Variants in AAK1 observed in about 807,000 individuals in gnomAD.
AAK1 encodes AP2-associated protein kinase 1.
In AAK1, 37 loss-of-function variants were observed where a neutral mutation model predicts 116.0. The observed-to-expected ratio is 0.32, with a 90% CI of 0.25 to 0.42. AAK1 has a LOEUF of 0.42. Ranked by LOEUF, AAK1 falls within the 10% of genes least tolerant of loss-of-function variation. The probability of loss-of-function intolerance (pLI) is 1.00; values close to 1 mark genes in which losing one functional copy is unlikely to be tolerated. For synonymous variants in AAK1, 458 were observed against 439.9 expected (o/e 1.04, Z -0.51); for missense variants, 919 against 1,170.6 (o/e 0.79, Z 3.14).
intron 2 of AAK1, among the ~76,000 whole-genome samples, chr2:69,565,047 G>A (rs181222011): frequency 1.3e-5 from 2 of 152,216 alleles, no homozygotes; most frequent in Non-Finnish European, 2.9e-5. Flanking sequence ...TGCCTGAAGA[G>A]CCAGGGAGAT....
In AAK1 at chr2:69,556,851, C is replaced by A; in HGVS notation, c.282+9G>T. On this transcript the variant is annotated intron_variant, in intron 3 of 21. Coordinates refer to ENST00000409085, the MANE Select transcript of AAK1 (RefSeq NM_014911.5). The stretch of plus-strand genomic sequence containing the variant: ...TTTAAACAGTCCCAAGTCCAAGGGG[C>A]AGCCTTACCATTATCTGGATTTCTC... The A allele has an allele frequency of 6.3e-7, 1 of 1,598,646 alleles. No homozygotes were observed. The highest frequency in any genetic ancestry group is 8.6e-7 in the Non-Finnish European group (1 of 1,166,168).
chr2:69,490,970 C>G (rs1675498845), intron 17 of AAK1, among the ~76,000 whole-genome samples: 1 of 151,754 alleles, frequency 6.6e-6, no homozygotes, highest in Non-Finnish European at 1.5e-5. Flanking sequence ...GGGTCTCACT[C>G]TGTCACACCC....
At position 69,542,636 on chromosome 2, in the gene AAK1, G is replaced by C; in HGVS notation, c.421C>G (p.Arg141Gly). The change falls in exon 5 of 22, where the codon CGC becomes GGC. Residue 141 changes from arginine (R) to glycine (G), a missense_variant. This residue lies in a region of AAK1 where 317 missense variants were observed against 490.4 expected (regional missense o/e 0.65). Coordinates refer to ENST00000409085, the MANE Select transcript of AAK1 (RefSeq NM_014911.5). ...TTCTCTGTAAAGCCTGTTTGCAGGC[G>C]CTGGTTCATCAGGTTTACCACCTGG... The part of the protein sequence containing the change: ...GGQVVNLMNQ[R>G]LQTGFTENEV... The C allele has an allele frequency of 6.2e-7, 1 of 1,613,880 alleles. No homozygotes were observed. The highest frequency in any genetic ancestry group is 8.5e-7 in the Non-Finnish European group (1 of 1,179,866).
chr2:69,515,309 C>T lies in AAK1; in HGVS notation c.1498-560G>A, dbSNP rs116574378. ...TTAAACATTCAAAATAGCCAGTGTG[C>T]TCTATGACGCTTCCTTTTGTTTGTT... On this transcript the variant is annotated intron_variant, in intron 12 of 21. Coordinates refer to ENST00000409085, the MANE Select transcript of AAK1 (RefSeq NM_014911.5). Among the ~76,000 whole-genome samples the T allele has an allele frequency of 4.5e-3, 691 of 152,208 alleles. 3 individuals are homozygous for T. The highest frequency in any genetic ancestry group is 0.016 in the African/African-American group (658 of 41,532).
chr2:69,625,967 G>A (rs561924267), intron 2 of AAK1, among the ~76,000 whole-genome samples: 65 of 152,126 alleles, frequency 4.3e-4, no homozygotes, highest in African/African-American at 1.5e-3. Flanking sequence ...ACAGAAGCAA[G>A]AACTCCCTCA....
intron 14 of AAK1, 127 bp from the exon 15 acceptor site, chr2:69,507,705 G>T: frequency 1.3e-4 from 103 of 790,256 alleles, no homozygotes; most frequent in Non-Finnish European, 1.7e-4. Flanking sequence ...TTCCACCACA[G>T]TATTTTTTTT....
chr2:69,643,646 G>A lies in AAK1; in HGVS notation c.-306C>T, dbSNP rs938593791. ...TGTCACGGCCGCCGGGCCGGCCTGC[G>A]ACGCAGAGAAGAGGCGGCGCTGCAG... On this transcript the variant is annotated 5_prime_UTR_variant, in exon 1 of 22. Transcript: ENST00000409085. The A allele has an allele frequency of 3.2e-5, 39 of 1,227,344 alleles. No individual in the cohort carries two copies. Among genetic ancestry groups the A allele is most frequent in the Non-Finnish European group, 3.9e-5 (38 of 985,294 alleles). The allele number at this position is 1,227,344 out of a possible 1,614,324, so 76.0% of individuals were successfully genotyped here.
chr2:69,618,486 C>T (rs561312544), intron 2 of AAK1, among the ~76,000 whole-genome samples: 155 of 152,282 alleles, frequency 1.0e-3, no homozygotes, highest in African/African-American at 3.5e-3. Flanking sequence ...TATTTTCCTA[C>T]GCCTCAGTAG....
In AAK1 at chr2:69,532,065, T is replaced by C. The variant is rs1304487000; in HGVS notation, c.632A>G (p.Asn211Ser). ...KFQNPQTEGV[N>S]AVEDEIKKYT... ...CTTCTTAATCTCATCTTCTACTGCATTGACTCCCTCAGTTTGTGGATTCTG... is the reference window on the plus strand; with the variant it reads ...CTTCTTAATCTCATCTTCTACTGCACTGACTCCCTCAGTTTGTGGATTCTG... Residue 211 changes from asparagine to serine, a missense_variant, in exon 6 of 22, where the codon AAT becomes AGT. Physicochemically the swap from Asn to Ser is conservative, Grantham distance 46. Transcript: ENST00000409085. 4 of 1,613,446 alleles carry C rather than the reference T, an allele frequency of 2.5e-6. No individual in the cohort carries two copies. The African/African-American group carries it at 4.0e-5, about 16-fold the overall frequency.
chr2:69,643,577 G>T lies in AAK1; in HGVS notation c.-237C>A. ...GGCGGCATCCTGGCAGCACCCACTT[G>T]AGACGGCTCGGCGGCCGGCGCCCTG... On this transcript the variant is annotated splice_region_variant and 5_prime_UTR_variant, in exon 1 of 22. Transcript: ENST00000409085. The T allele has an allele frequency of 4.9e-6, 6 of 1,228,376 alleles. No homozygotes were observed. The highest frequency in any genetic ancestry group is 6.1e-6 in the Non-Finnish European group (6 of 986,106). The allele number at this position is 1,228,376 out of a possible 1,614,324, so 76.1% of individuals were successfully genotyped here. A position where few individuals can be genotyped will look rare whatever the true frequency, so the allele number is the denominator to read the frequency against.
chr2:69,494,346 T>C (rs1675656306), intron 17 of AAK1, among the ~76,000 whole-genome samples: 1 of 152,118 alleles, frequency 6.6e-6, no homozygotes, highest in Non-Finnish European at 1.5e-5. Context: ...TGAAGCCGAT[T>C]TCCTGAGCCA....
chr2:69,475,352 C>T lies in AAK1; in HGVS notation c.*517G>A. 1.0e-6 allele frequency: 1 copy of T among 987,058 alleles called. No homozygotes were observed. Among genetic ancestry groups the T allele is most frequent in the Non-Finnish European group, 1.2e-6 (1 of 830,888 alleles). 61.1% of individuals were successfully genotyped at this position (987,058 alleles called of 1,614,324 possible). Reference sequence around the variant, plus strand: ...ACCCTTTCTTAAACCACACACCCATCTCCAGGCTACTGCCTAGAGTTAAGA... The same window carrying T: ...ACCCTTTCTTAAACCACACACCCATTTCCAGGCTACTGCCTAGAGTTAAGA... On this transcript the variant is annotated 3_prime_UTR_variant, in exon 22 of 22. Transcript: ENST00000409085.
intron 3 of AAK1, among the ~76,000 whole-genome samples, chr2:69,555,273 G>A (rs1671345618): frequency 6.6e-6 from 1 of 152,236 alleles, no homozygotes; most frequent in South Asian, 2.1e-4. Context: ...ACAGGCCCAC[G>A]TGGTCTTGAC....
chr2:69,583,579 C>A (rs1672635025), intron 2 of AAK1, among the ~76,000 whole-genome samples: 1 of 152,204 alleles, frequency 6.6e-6, no homozygotes, highest in Non-Finnish European at 1.5e-5. Flanking sequence ...ACAAGCAGTA[C>A]AAGCAGTGTG....
chr2:69,536,376 A>T (rs938163220), intron 5 of AAK1, among the ~76,000 whole-genome samples: 21 of 152,194 alleles, frequency 1.4e-4, no homozygotes, highest in African/African-American at 4.8e-4. Flanking sequence ...GAAGCCAACA[A>T]GGGCAGGTAC....
At chr2:69,513,445 G>A (rs561682493) in intron 13 of AAK1, among the ~76,000 whole-genome samples, 5 of 152,022 alleles carry the variant, frequency 3.3e-5, no homozygotes, top group East Asian at 1.9e-4. Flanking sequence ...TCAGCCTCCC[G>A]AGTAGCTGGG....
chr2:69,533,489 A>C (rs1670341816), intron 5 of AAK1, among the ~76,000 whole-genome samples: 2 of 152,204 alleles, frequency 1.3e-5, no homozygotes, highest in Non-Finnish European at 2.9e-5. Context: ...TAAGAATTAC[A>C]TTAAGTATAT....
At chr2:69,478,035 C>T (rs1301550309) in intron 20 of AAK1, among the ~76,000 whole-genome samples, 1 of 152,162 alleles carries the variant, frequency 6.6e-6, no homozygotes, top group East Asian at 1.9e-4. Context: ...GATTTCAGAC[C>T]ACTATTAACC....
chr2:69,473,485 C>T lies in AAK1; in HGVS notation c.*2384G>A. The T allele has an allele frequency of 1.0e-6, 1 of 985,410 alleles. No individual in the cohort carries two copies. Among genetic ancestry groups the T allele is most frequent in the South Asian group, 4.7e-5 (1 of 21,284 alleles). 61.0% of individuals were successfully genotyped at this position (985,410 alleles called of 1,614,324 possible). Reference sequence around the variant, plus strand: ...TTGAGGAGGCCTTACTCTAAATAAGCCCAAGACAATTTCTTGTCATTATCT... The same window carrying T: ...TTGAGGAGGCCTTACTCTAAATAAGTCCAAGACAATTTCTTGTCATTATCT... On this transcript the variant is annotated 3_prime_UTR_variant, in exon 22 of 22. Transcript: ENST00000409085.
Sources: allele counts gnomAD v4.1 joint callset (sites outside exome capture counted in the v4.1 genomes callset), GRCh38; gene constraint gnomAD v4.1.1; regional missense constraint gnomAD v4.1.1; transcripts MANE v1.5; gene names NCBI Gene and HGNC (gene_info 2026-07-23, HGNC 2026-07-21).